BAG3: variants seen among roughly 807,000 people sequenced by gnomAD.
BAG3 encodes the protein BAG family molecular chaperone regulator 3.
BAG3 carries 14 observed loss-of-function variants against 40.5 expected under a neutral mutation model. The ratio of observed to expected loss-of-function variants is 0.35; its 90% CI spans 0.23 to 0.54. The LOEUF (loss-of-function observed/expected upper bound fraction) is 0.54. Among genes scored for constraint, BAG3 ranks in the 20% least tolerant of loss-of-function variants. The probability of loss-of-function intolerance (pLI) is 0.91; values close to 1 mark genes in which losing one functional copy is unlikely to be tolerated. For synonymous variants in BAG3, 302 were observed against 307.8 expected, an observed-to-expected ratio of 0.98 and a Z score of 0.20; for missense variants, 788 against 758.6, an observed-to-expected ratio of 1.04 and a Z score of -0.46.
At position 119,670,239 on chromosome 10, in the gene BAG3, G is replaced by T. The variant is rs1201644312; in HGVS notation, c.507+62G>T. ...CAAGCCGCTGTGCTTCCCAGGCCGG[G>T]CCCATCCCCTCAGGACAGTGCCCTG... On this transcript the variant is annotated intron_variant, in intron 2 of 3. Transcript: ENST00000369085. The T allele has an allele frequency of 3.9e-6, 6 of 1,540,924 alleles. No individual in the cohort carries two copies. The South Asian group carries it at 4.9e-5, about 13-fold the overall frequency.
At chr10:119,661,153 G>C (rs575826692) in intron 1 of BAG3, among the ~76,000 whole-genome samples, 19 of 151,578 alleles carry the variant, frequency 1.3e-4, no homozygotes, top group Admixed American at 1.3e-3. Context: ...CCAGCTACTC[G>C]GGAGGCTGAG....
At chr10:119,667,690 T>G (rs1847085408) in intron 1 of BAG3, among the ~76,000 whole-genome samples, 1 of 152,184 alleles carries the variant, frequency 6.6e-6, no homozygotes, top group Admixed American at 6.5e-5. Context: ...CTTGCTGGTT[T>G]GGTAACCCCA....
rs140594879 is a variant in BAG3, at chr10:119,670,051, A to G, written c.381A>G (p.Ala127=). The G allele has an allele frequency of 1.9e-6, 3 of 1,614,204 alleles. No homozygotes were observed. Among genetic ancestry groups the G allele is most frequent in the Non-Finnish European group, 2.5e-6 (3 of 1,180,020 alleles). ...PGMQRFRTEA[A]AAAPQRSQSP... Reference sequence around the variant, plus strand: ...TGCAGCGATTCCGAACTGAGGCGGCAGCAGCGGCTCCTCAGAGGTCCCAGT... The same window carrying G: ...TGCAGCGATTCCGAACTGAGGCGGCGGCAGCGGCTCCTCAGAGGTCCCAGT... The change falls in exon 2 of 4, where the codon GCA becomes GCG. Residue 127 remains alanine (A), a synonymous_variant. Coordinates refer to ENST00000369085, the MANE Select transcript of BAG3 (RefSeq NM_004281.4).
intron 1 of BAG3, among the ~76,000 whole-genome samples, chr10:119,655,088 A>G (rs918193975): frequency 2.6e-5 from 4 of 152,202 alleles, no homozygotes; most frequent in African/African-American, 9.6e-5. Flanking sequence ...ACGGATGGCC[A>G]GTGATCCCAT....
At chr10:119,652,222 G>C (rs1410196126) in intron 1 of BAG3, among the ~76,000 whole-genome samples, 1 of 151,984 alleles carries the variant, frequency 6.6e-6, no homozygotes, top group African/African-American at 2.4e-5. Flanking sequence ...AGCTCCGGAG[G>C]CCCCGGCCCA....
intron 1 of BAG3, among the ~76,000 whole-genome samples, chr10:119,653,045 A>G (rs965676159): frequency 6.6e-6 from 1 of 152,268 alleles, no homozygotes; most frequent in Admixed American, 6.5e-5. Context: ...TCACCAAATT[A>G]AAACTGCTGT....
chr10:119,675,807 C>CCCTTCCCCCTTCCCT (rs1159506213), intron 3 of BAG3, among the ~76,000 whole-genome samples: 1 of 77,556 alleles, frequency 1.3e-5, no homozygotes, highest in Admixed American at 1.4e-4. Flanking sequence ...TCCCCTTCCC[C>CCCTTCCCCCTTCCCT]CCTTCCCTGC....
At chr10:119,668,932 G>A (rs1028250873) in intron 1 of BAG3, among the ~76,000 whole-genome samples, 1 of 152,222 alleles carries the variant, frequency 6.6e-6, no homozygotes. Flanking sequence ...GGAATTTATA[G>A]TCAAGGAGCA....
intron 1 of BAG3, among the ~76,000 whole-genome samples, chr10:119,660,735 G>A (rs949405839): frequency 5.3e-5 from 8 of 152,134 alleles, no homozygotes; most frequent in East Asian, 3.9e-4. Flanking sequence ...CTTTGTAAAC[G>A]GTAAGCCCAA....
At chr10:119,662,072 G>C (rs1356086565) in intron 1 of BAG3, among the ~76,000 whole-genome samples, 1 of 152,050 alleles carries the variant, frequency 6.6e-6, no homozygotes, top group African/African-American at 2.4e-5. Flanking sequence ...TTTTAATTCA[G>C]AGCCTCACTC....
chr10:119,670,551 C>T (rs186768379), intron 2 of BAG3, among the ~76,000 whole-genome samples: 43 of 152,358 alleles, frequency 2.8e-4, no homozygotes, highest in African/African-American at 9.9e-4. Flanking sequence ...CTTATTCACA[C>T]TGGGCTTTCT....
chr10:119,654,371 C>A (rs925858813), intron 1 of BAG3, among the ~76,000 whole-genome samples: 1 of 152,162 alleles, frequency 6.6e-6, no homozygotes, highest in Non-Finnish European at 1.5e-5. Flanking sequence ...GACGACCTCT[C>A]TTTTGGGGGA....
rs187864343 is a variant in BAG3 at position 119,666,717 on chromosome 10, T to C, written c.181-3134T>C. On this transcript the variant is annotated intron_variant, in intron 1 of 3. Transcript: ENST00000369085. ...CTGAGGACTCCAAGCCCTGGAAGGGTCTGGCTATAAGGGGTTGGGATCAGC... is the reference window on the plus strand; with the variant it reads ...CTGAGGACTCCAAGCCCTGGAAGGGCCTGGCTATAAGGGGTTGGGATCAGC... Among the ~76,000 whole-genome samples, 98 of 83,894 alleles carry C rather than the reference T, an allele frequency of 1.2e-3. 1 individual carries two copies. The highest frequency in any genetic ancestry group is 4.0e-3 in the African/African-American group (92 of 22,794). 55.0% of individuals were successfully genotyped at this position (83,894 alleles called of 152,430 possible).
Position 119,672,108 on chromosome 10 carries a change from C to A in BAG3, c.508-147C>A. On this transcript the variant is annotated intron_variant, in intron 2 of 3. Transcript: ENST00000369085. This position sits in a 1 kb window ranked among gnomAD's most constrained non-coding sequence, Gnocchi z 4.8. ...CCAGCCCCAGAGCTCTCAGTCTTAA[C>A]CGCACATTTTGAAAATTGAAAATTA... 1 of 1,170,454 alleles carries A rather than the reference C, an allele frequency of 8.5e-7. No homozygotes were observed. Among genetic ancestry groups the A allele is most frequent in the Non-Finnish European group, 1.2e-6 (1 of 808,736 alleles). The allele number at this position is 1,170,454 out of a possible 1,614,324, so 72.5% of individuals were successfully genotyped here.
At position 119,672,771 on chromosome 10, in the gene BAG3, C is replaced by T. The variant is rs951537401; in HGVS notation, c.909+115C>T. ...TCCCTGCCTATTTAACATGCGTGTA[C>T]CTACAGGCAAGTGAGATTCGAGAAA... On this transcript the variant is annotated intron_variant, in intron 3 of 3. Transcript: ENST00000369085. The surrounding 1 kb of genome is among the most constrained non-coding windows in gnomAD (Gnocchi z 4.8). The T allele has an allele frequency of 1.1e-5, 15 of 1,410,492 alleles. No homozygotes were observed. The African/African-American group carries it at 1.7e-4, about 16-fold the overall frequency. 87.4% of individuals were successfully genotyped at this position (1,410,492 alleles called of 1,614,324 possible).
intron 3 of BAG3, among the ~76,000 whole-genome samples, chr10:119,675,617 T>C: frequency 6.6e-6 from 1 of 152,150 alleles, no homozygotes; most frequent in East Asian, 1.9e-4. Flanking sequence ...GCAGACTGTC[T>C]GCACAGTGTA....
At chr10:119,658,990 CA>C (rs1294056387) in intron 1 of BAG3, among the ~76,000 whole-genome samples, 2 of 152,192 alleles carry the variant, frequency 1.3e-5, no homozygotes, top group Non-Finnish European at 1.5e-5. Flanking sequence ...TTTCAGCTCT[CA>C]GAGAGGCCTG....
chr10:119,672,717 C>T lies in BAG3; in HGVS notation c.909+61C>T. ...TGGTATGTCTCCAGGGGTGCAGGAGCTCTGTGGGTGCCCTGGGTTCCCCCT... is the reference window on the plus strand; with the variant it reads ...TGGTATGTCTCCAGGGGTGCAGGAGTTCTGTGGGTGCCCTGGGTTCCCCCT... On this transcript the variant is annotated intron_variant, in intron 3 of 3. Transcript: ENST00000369085. The surrounding 1 kb of genome is among the most constrained non-coding windows in gnomAD (Gnocchi z 4.8). 6.2e-7 allele frequency: 1 copy of T among 1,601,146 alleles called. No homozygotes were observed. The highest frequency in any genetic ancestry group is 8.5e-7 in the Non-Finnish European group (1 of 1,178,586).
intron 3 of BAG3, among the ~76,000 whole-genome samples, chr10:119,675,391 G>C (rs1221130165): frequency 6.6e-6 from 1 of 152,188 alleles, no homozygotes; most frequent in Non-Finnish European, 1.5e-5. Context: ...AACCTGTGCA[G>C]CCAGAGGTTA....
Sources: allele counts gnomAD v4.1 joint callset (sites outside exome capture counted in the v4.1 genomes callset), GRCh38; gene constraint gnomAD v4.1.1; non-coding constraint Gnocchi (gnomAD v3.1); transcripts MANE v1.5; gene names NCBI Gene and HGNC (gene_info 2026-07-23, HGNC 2026-07-21).